Variants in SGCZ observed in about 807,000 individuals in gnomAD.
The protein encoded by SGCZ is sarcoglycan zeta.
A neutral mutation model predicts 41.3 loss-of-function variants in SGCZ; 40 were observed. The ratio of observed to expected loss-of-function variants is 0.97; its 90% CI spans 0.75 to 1.26. The LOEUF (loss-of-function observed/expected upper bound fraction) is 1.26. Ranked by LOEUF, SGCZ falls within the 50% of genes most tolerant of loss-of-function variation. SGCZ has a pLI of 0.00. For synonymous variants in SGCZ, 206 were observed against 137.5 expected, an observed-to-expected ratio of 1.50 and a Z score of -3.49; for missense variants, 552 against 369.8, an observed-to-expected ratio of 1.49 and a Z score of -4.04.
intron 1 of SGCZ, among the ~76,000 whole-genome samples, chr8:14,592,212 C>G (rs938013): frequency 6.6e-6 from 1 of 151,744 alleles, no homozygotes; most frequent in African/African-American, 2.4e-5. Flanking sequence ...CCTTAGATTC[C>G]TAGTTTTAAA....
intron 1 of SGCZ, among the ~76,000 whole-genome samples, chr8:15,094,651 T>C (rs374945539): frequency 2.0e-5 from 3 of 152,150 alleles, no homozygotes; most frequent in Non-Finnish European, 2.9e-5. Flanking sequence ...AAGAGTGATA[T>C]GGTTCAGTTC....
At chr8:14,459,295 A>G (rs1800835183) in intron 2 of SGCZ, among the ~76,000 whole-genome samples, 1 of 152,116 alleles carries the variant, frequency 6.6e-6, no homozygotes, top group Non-Finnish European at 1.5e-5. Context: ...GAGGGATAGT[A>G]TTAGGAGATA....
intron 1 of SGCZ, among the ~76,000 whole-genome samples, chr8:15,150,149 C>G (rs1799138712): frequency 6.6e-6 from 1 of 152,060 alleles, no homozygotes; most frequent in Non-Finnish European, 1.5e-5. Flanking sequence ...ACAAATTTAT[C>G]TATTGTCTGG....
intron 2 of SGCZ, among the ~76,000 whole-genome samples, chr8:14,375,141 G>A (rs113656152): frequency 1.4e-5 from 2 of 146,390 alleles, no homozygotes; most frequent in Admixed American, 6.7e-5. Context: ...CAGACAGACA[G>A]ACAGATAGAT....
chr8:14,853,505 G>A, intron 1 of SGCZ: 1 of 532,508 alleles, frequency 1.9e-6, no homozygotes, highest in South Asian at 1.4e-5. Flanking sequence ...CTTCTGATCT[G>A]AGGAGCAGGT....
intron 1 of SGCZ, among the ~76,000 whole-genome samples, chr8:14,941,387 C>T (rs1800270934): frequency 6.6e-6 from 1 of 152,036 alleles, no homozygotes; most frequent in African/African-American, 2.4e-5. Context: ...GGTATATTAA[C>T]GCCTCATTCA....
At chr8:14,389,446 CAA>C (rs1027358637) in intron 2 of SGCZ, among the ~76,000 whole-genome samples, 6 of 130,634 alleles carry the variant, frequency 4.6e-5, no homozygotes, top group Non-Finnish European at 9.9e-5. Flanking sequence ...ACATGAAAGA[CAA>C]AGAGAAAATC....
intron 3 of SGCZ, among the ~76,000 whole-genome samples, chr8:14,270,774 T>C (rs1041508106): frequency 5.3e-5 from 8 of 152,142 alleles, no homozygotes; most frequent in Non-Finnish European, 1.2e-4. Context: ...ACATTTACAA[T>C]AGCAAAGACT....
intron 2 of SGCZ, among the ~76,000 whole-genome samples, chr8:14,455,546 G>C (rs1203913885): frequency 6.6e-6 from 1 of 151,640 alleles, no homozygotes; most frequent in African/African-American, 2.4e-5. Context: ...AGACAGATTA[G>C]GTAGATAGAT....
chr8:14,155,955 G>A (rs995790494), intron 5 of SGCZ, among the ~76,000 whole-genome samples: 6 of 152,054 alleles, frequency 3.9e-5, no homozygotes, highest in East Asian at 3.9e-4. Flanking sequence ...TTAAGTATTC[G>A]TATATCTAAA....
chr8:14,397,066 T>A (rs778802835), intron 2 of SGCZ, among the ~76,000 whole-genome samples: 1 of 152,172 alleles, frequency 6.6e-6, no homozygotes, highest in Non-Finnish European at 1.5e-5. Flanking sequence ...TAATTTTACC[T>A]ATTCCTCTCA....
chr8:14,814,313 A>T (rs1265815928), intron 1 of SGCZ, among the ~76,000 whole-genome samples: 1 of 152,120 alleles, frequency 6.6e-6, no homozygotes, highest in African/African-American at 2.4e-5. Flanking sequence ...GAAGGGACTG[A>T]AGCTCTAAAA....
chr8:14,518,560 A>C (rs2117094176), intron 2 of SGCZ, among the ~76,000 whole-genome samples: 1 of 152,272 alleles, frequency 6.6e-6, no homozygotes, highest in East Asian at 1.9e-4. Flanking sequence ...GAAATAAAAT[A>C]GAACTTTGTC....
chr8:15,225,978 T>C (rs1801758537), intron 1 of SGCZ, among the ~76,000 whole-genome samples: 1 of 152,200 alleles, frequency 6.6e-6, no homozygotes. Context: ...TAGTCCACAT[T>C]GTAACCCCCA....
chr8:15,168,383 G>C (rs534631433), intron 1 of SGCZ, among the ~76,000 whole-genome samples: 2 of 152,334 alleles, frequency 1.3e-5, no homozygotes, highest in South Asian at 2.1e-4. Flanking sequence ...GGAACGCAGA[G>C]GCTACTGACG....
chr8:14,968,527 G>T (rs888488079), intron 1 of SGCZ, among the ~76,000 whole-genome samples: 1 of 152,022 alleles, frequency 6.6e-6, no homozygotes, highest in Non-Finnish European at 1.5e-5. Flanking sequence ...ATTTTCTTAA[G>T]ATATTAAAAA....
chr8:14,170,402 G>C (rs10100006), intron 4 of SGCZ, among the ~76,000 whole-genome samples: 39,775 of 151,788 alleles, frequency 0.26, 6,595 homozygotes, highest in African/African-American at 0.47. Flanking sequence ...TGTATTCTTA[G>C]ATCTTTTTAT....
intron 1 of SGCZ, among the ~76,000 whole-genome samples, chr8:15,221,030 G>C (rs1801582617): frequency 6.6e-6 from 1 of 152,034 alleles, no homozygotes; most frequent in Non-Finnish European, 1.5e-5. Flanking sequence ...GGGTATAGGG[G>C]GAGGGATAGC....
At chr8:14,154,035 T>C (rs574046018) in intron 5 of SGCZ, among the ~76,000 whole-genome samples, 4 of 152,242 alleles carry the variant, frequency 2.6e-5, no homozygotes, top group African/African-American at 7.2e-5. Flanking sequence ...CTGACCATGT[T>C]GGCACCCTGA....
Sources: gnomAD v4.1 joint callset for allele counts (sites outside exome capture counted in the v4.1 genomes callset) on GRCh38, gnomAD v4.1.1 for gene constraint, MANE v1.5 for transcripts, NCBI Gene and HGNC (gene_info 2026-07-23, HGNC 2026-07-21) for gene names.